The following TELO2 variants were observed in gnomAD, a reference collection of about 807,000 sequenced individuals.
TELO2 encodes the protein telomere length regulation protein TEL2 homolog.
TELO2 carries 71 observed loss-of-function variants against 91.0 expected under a neutral mutation model. The observed-to-expected ratio is 0.78, with a 90% CI of 0.64 to 0.95. The LOEUF is 0.95. Ranked by LOEUF, TELO2 falls within the 40% of genes least tolerant of loss-of-function variation. TELO2 has a pLI of 0.00. For missense variants in TELO2, 1,183 were observed against 1,141.3 expected (o/e 1.04, Z -0.53); for synonymous variants, 584 against 518.9 (o/e 1.13, Z -1.71).
Position 1,505,219 on chromosome 16 carries a change from C to G in TELO2, c.1843-191C>G. The stretch of plus-strand genomic sequence containing the variant: ...CCTGGAGCACGGTGCCCACCTTCCC[C>G]ACCTTCCCGCCTACCAAGGCGCGGT... On this transcript the variant is annotated intron_variant, in intron 15 of 20. Coordinates refer to ENST00000262319, the MANE Select transcript of TELO2 (RefSeq NM_016111.4). The surrounding 1 kb of genome is among the most constrained non-coding windows in gnomAD (Gnocchi z 4.3). 1.6e-6 allele frequency: 1 copy of G among 635,010 alleles called. No homozygotes were observed. The highest frequency in any genetic ancestry group is 2.2e-5 in the South Asian group (1 of 46,188). 39.3% of individuals were successfully genotyped at this position (635,010 alleles called of 1,614,324 possible). A position where few individuals can be genotyped will look rare whatever the true frequency, so the allele number is the denominator to read the frequency against.
chr16:1,506,964 C>A lies in TELO2; in HGVS notation c.2139C>A (p.Thr713=). Reference sequence around the variant, plus strand: ...TCCTGTGCTCTAGGCCTCTGGTGACCTTCGACCTCTTGGGAGAAGACCAGC... The same window carrying A: ...TCCTGTGCTCTAGGCCTCTGGTGACATTCGACCTCTTGGGAGAAGACCAGC... ...LLQRFDRPLV[T]FDLLGEDQLV... The change falls in exon 18 of 21, where the codon ACC becomes ACA. Residue 713 remains threonine (T), a synonymous_variant. Transcript: ENST00000262319. 1 of 1,610,502 alleles carries A rather than the reference C, an allele frequency of 6.2e-7. No individual in the cohort carries two copies. The highest frequency in any genetic ancestry group is 1.1e-5 in the South Asian group (1 of 90,376).
At chr16:1,495,178 A>G (rs563961315) in intron 2 of TELO2, among the ~76,000 whole-genome samples, 168 bp from the exon 3 acceptor site, 3 of 152,302 alleles carry the variant, frequency 2.0e-5, no homozygotes, top group South Asian at 4.1e-4. Context: ...AATCGCAGTT[A>G]TTTAGGAATG....
chr16:1,503,973 A>G (rs1283931129), intron 15 of TELO2, among the ~76,000 whole-genome samples: 1 of 151,812 alleles, frequency 6.6e-6, no homozygotes, highest in East Asian at 1.9e-4. Flanking sequence ...CATCTCCACC[A>G]GAAGAAAATT....
Position 1,500,328 on chromosome 16 carries a change from TG to T in TELO2, c.1003-16del, listed in dbSNP as rs1567297930. The T allele has an allele frequency of 6.4e-7, 1 of 1,570,312 alleles. No individual in the cohort carries two copies. Among genetic ancestry groups the T allele is most frequent in the East Asian group, 2.3e-5 (1 of 42,940 alleles). On this transcript the variant is annotated intron_variant, in intron 7 of 20. Coordinates refer to ENST00000262319, the MANE Select transcript of TELO2 (RefSeq NM_016111.4). ...ACTGGCCCCGAGCCCCACACAGTCG[TG>T]GGCCATGCCACCTGCAGGTGCTGAA...
chr16:1,506,936 C>G lies in TELO2; in HGVS notation c.2127-16C>G, dbSNP rs755300404. ...TGAGGCACCCGCTGCACCTTGGGCT[C>G]CATCCTGTGCTCTAGGCCTCTGGTG... On this transcript the variant is annotated splice_polypyrimidine_tract_variant and intron_variant, in intron 17 of 20. Transcript: ENST00000262319. 8 of 1,599,540 alleles carry G rather than the reference C, an allele frequency of 5.0e-6. No individual in the cohort carries two copies. Among genetic ancestry groups the G allele is most frequent in the Non-Finnish European group, 6.0e-6 (7 of 1,173,054 alleles).
At chr16:1,508,094 C>A (rs1191873474) in intron 20 of TELO2, among the ~76,000 whole-genome samples, 3 of 152,144 alleles carry the variant, frequency 2.0e-5, no homozygotes, top group African/African-American at 4.8e-5. Context: ...CGCCCACCCG[C>A]CTCCCTGGGC....
At chr16:1,501,889 C>G in intron 11 of TELO2, 116 bp downstream of exon 11, 1 of 1,440,752 alleles carries the variant, frequency 6.9e-7, no homozygotes, top group Non-Finnish European at 9.6e-7. Context: ...TCTTCTCTTT[C>G]GTCCTCATGT....
rs138785447 is a variant in TELO2 at position 1,494,280 on chromosome 16, G to T, written c.-2G>T. Reference sequence around the variant, plus strand: ...CCGTGACGCCCAGATCTGTCCTGCAGGATGGAGCCAGCACCCTCAGAGGTT... The same window carrying T: ...CCGTGACGCCCAGATCTGTCCTGCATGATGGAGCCAGCACCCTCAGAGGTT... On this transcript the variant is annotated 5_prime_UTR_variant, in exon 2 of 21. The change creates a new upstream start codon in the 5' untranslated region. Coordinates refer to ENST00000262319, the MANE Select transcript of TELO2 (RefSeq NM_016111.4). The surrounding 1 kb of genome is among the most constrained non-coding windows in gnomAD (Gnocchi z 5.6). 6.2e-7 allele frequency: 1 copy of T among 1,611,452 alleles called. No homozygotes were observed. The highest frequency in any genetic ancestry group is 8.5e-7 in the Non-Finnish European group (1 of 1,178,762).
Position 1,509,961 on chromosome 16 carries a change from C to T in TELO2, c.*25C>T. On this transcript the variant is annotated 3_prime_UTR_variant, in exon 21 of 21. Coordinates refer to ENST00000262319, the MANE Select transcript of TELO2 (RefSeq NM_016111.4). Reference sequence around the variant, plus strand: ...GTCCCTGGAGGCCTCCCCAGGACCACCCTCGCCGACAGCAAGGCAGGCGGC... The same window carrying T: ...GTCCCTGGAGGCCTCCCCAGGACCATCCTCGCCGACAGCAAGGCAGGCGGC... The T allele has an allele frequency of 3.2e-6, 5 of 1,556,752 alleles. No individual in the cohort carries two copies. In the South Asian group the frequency reaches 3.5e-5, roughly 11 times the overall value.
rs1013145747 is a variant in TELO2 at position 1,505,074 on chromosome 16, G to A, written c.1843-336G>A. On this transcript the variant is annotated intron_variant, in intron 15 of 20. Coordinates refer to ENST00000262319, the MANE Select transcript of TELO2 (RefSeq NM_016111.4). The surrounding 1 kb of genome is among the most constrained non-coding windows in gnomAD (Gnocchi z 4.3). The stretch of plus-strand genomic sequence containing the variant: ...GGTCCCCCCGCCCGTGGCACGTGCC[G>A]CTGCAGCGTTGCTTTTGCTGTGAGG... 1.2e-5 allele frequency: 3 copies of A among 260,350 alleles called. No homozygotes were observed. The highest frequency in any genetic ancestry group is 9.6e-5 in the Admixed American group (2 of 20,846). The allele number at this position is 260,350 out of a possible 1,614,324, so 16.1% of individuals were successfully genotyped here.
intron 15 of TELO2, among the ~76,000 whole-genome samples, chr16:1,503,267 G>A (rs1434571277): frequency 6.6e-6 from 1 of 152,250 alleles, no homozygotes; most frequent in Non-Finnish European, 1.5e-5. Flanking sequence ...AATGTGTGCT[G>A]CGCAGGTGAG....
At chr16:1,498,778 T>C (rs1308118206) in intron 5 of TELO2, among the ~76,000 whole-genome samples, 1 of 152,228 alleles carries the variant, frequency 6.6e-6, no homozygotes, top group Non-Finnish European at 1.5e-5. Flanking sequence ...GTTTCCACAC[T>C]GGCTGGATAG....
rs971191073 is a variant in TELO2, at chr16:1,506,621, C to T, written c.2126+292C>T. The stretch of plus-strand genomic sequence containing the variant: ...CCATCACCTGCTGGGCCCTGCTCGC[C>T]TCCTCCTGCCTCAGCCGGCGCTGCA... On this transcript the variant is annotated intron_variant, in intron 17 of 20. Coordinates refer to ENST00000262319, the MANE Select transcript of TELO2 (RefSeq NM_016111.4). 4.1e-5 allele frequency: 57 copies of T among 1,386,120 alleles called. No homozygotes were observed. The South Asian group carries it at 7.9e-4, about 19-fold the overall frequency. The allele number at this position is 1,386,120 out of a possible 1,614,324, so 85.9% of individuals were successfully genotyped here. A position where few individuals can be genotyped will look rare whatever the true frequency, so the allele number is the denominator to read the frequency against.
In TELO2 at chr16:1,497,143, C is replaced by T; in HGVS notation, c.682+39C>T. On this transcript the variant is annotated intron_variant, in intron 4 of 20. Transcript: ENST00000262319. The surrounding 1 kb of genome is among the most constrained non-coding windows in gnomAD (Gnocchi z 4.0). ...TGCCTTCCTGCCCATCCTGCCCCGA[C>T]CCTCACAGCCCATCAGCCTTCTGCA... 3 of 1,610,566 alleles carry T rather than the reference C, an allele frequency of 1.9e-6. No individual in the cohort carries two copies. Among genetic ancestry groups the T allele is most frequent in the South Asian group, 1.1e-5 (1 of 90,846 alleles).
rs2141060751 is a variant in TELO2 at position 1,505,117 on chromosome 16, G to A, written c.1843-293G>A. 1 of 379,234 alleles carries A rather than the reference G, an allele frequency of 2.6e-6. No individual in the cohort carries two copies. Among genetic ancestry groups the A allele is most frequent in the African/African-American group, 2.0e-5 (1 of 49,836 alleles). The allele number at this position is 379,234 out of a possible 1,614,324, so 23.5% of individuals were successfully genotyped here. ...CTGTGAGGCCGACTTCCTGGGATAA[G>A]GGCATGTGGCTCTGGCGTGGCGGGA... On this transcript the variant is annotated intron_variant, in intron 15 of 20. Coordinates refer to ENST00000262319, the MANE Select transcript of TELO2 (RefSeq NM_016111.4). This position sits in a 1 kb window ranked among gnomAD's most constrained non-coding sequence, Gnocchi z 4.3.
intron 11 of TELO2, 56 bp downstream of exon 11, chr16:1,501,829 T>G: frequency 6.4e-7 from 1 of 1,558,570 alleles, no homozygotes; most frequent in Middle Eastern, 1.7e-4. Context: ...GGCGAACCCC[T>G]CACACTCCAA....
chr16:1,507,537 G>T lies in TELO2; in HGVS notation c.2292-64G>T, dbSNP rs2039940933. On this transcript the variant is annotated intron_variant, in intron 19 of 20. Transcript: ENST00000262319. The stretch of plus-strand genomic sequence containing the variant: ...CGCAGCGTGGGTGGTCTGCCACACT[G>T]AGGGGAGTGGGAGGTCTGGGGTGTG... 3 of 1,505,768 alleles carry T rather than the reference G, an allele frequency of 2.0e-6. No homozygotes were observed. The Admixed American group carries it at 5.9e-5, about 29-fold the overall frequency. The allele number at this position is 1,505,768 out of a possible 1,614,324, so 93.3% of individuals were successfully genotyped here.
intron 3 of TELO2, among the ~76,000 whole-genome samples, chr16:1,496,494 G>A (rs1274631473): frequency 6.6e-6 from 1 of 152,256 alleles, no homozygotes; most frequent in Non-Finnish European, 1.5e-5. Flanking sequence ...CATGTGGAAT[G>A]CGGCTTTTTC....
Position 1,494,099 on chromosome 16 carries a change from G to A in TELO2, c.-36-147G>A. On this transcript the variant is annotated intron_variant, in intron 1 of 20. Transcript: ENST00000262319. The surrounding 1 kb of genome is among the most constrained non-coding windows in gnomAD (Gnocchi z 5.6). ...AGGAGCGAACTCTGGGTGGAAACCG[G>A]CAGGCACTGGAGGGGAAGGAGGCGG... The A allele has an allele frequency of 1.6e-6, 1 of 609,164 alleles. No individual in the cohort carries two copies. The highest frequency in any genetic ancestry group is 2.0e-5 in the South Asian group (1 of 49,640). The allele number at this position is 609,164 out of a possible 1,614,324, so 37.7% of individuals were successfully genotyped here.
Sources: allele counts gnomAD v4.1 joint callset (sites outside exome capture counted in the v4.1 genomes callset), GRCh38; gene constraint gnomAD v4.1.1; non-coding constraint Gnocchi (gnomAD v3.1); transcripts MANE v1.5; gene names NCBI Gene and HGNC (gene_info 2026-07-23, HGNC 2026-07-21).